Variants in VSX2 observed in about 807,000 individuals in gnomAD.
VSX2 encodes visual system homeobox 2.
In VSX2, 28 loss-of-function variants were observed where a neutral mutation model predicts 32.1. That is an observed-to-expected ratio of 0.87 (90% CI 0.65 to 1.20). The LOEUF (loss-of-function observed/expected upper bound fraction) is 1.20, where lower values mean the gene tolerates loss of function less well. Ranked by LOEUF, VSX2 falls within the 50% of genes most tolerant of loss-of-function variation. The pLI is 0.00. For missense variants in VSX2, 506 were observed against 488.7 expected (o/e 1.04, Z -0.33); for synonymous variants, 243 against 214.1 (o/e 1.14, Z -1.18).
intron 3 of VSX2, among the ~76,000 whole-genome samples, chr14:74,250,544 G>A (rs1055727092): frequency 1.7e-4 from 26 of 152,262 alleles, no homozygotes; most frequent in Non-Finnish European, 2.2e-4. Flanking sequence ...ATTCTCTGCC[G>A]AGCACTGTGT....
Position 74,239,462 on chromosome 14 carries a change from G to T in VSX2, c.-100G>T. ...CTTGGGCTCCAGAGCATTAGACACC[G>T]GAGGGGGCACCTGGGACCAACTTCG... On this transcript the variant is annotated 5_prime_UTR_variant, in exon 1 of 5. Transcript: ENST00000261980. The T allele has an allele frequency of 6.6e-7, 1 of 1,510,734 alleles. No homozygotes were observed. The highest frequency in any genetic ancestry group is 2.5e-5 in the East Asian group (1 of 40,720). 93.6% of individuals were successfully genotyped at this position (1,510,734 alleles called of 1,614,324 possible). A position where few individuals can be genotyped will look rare whatever the true frequency, so the allele number is the denominator to read the frequency against.
At position 74,248,343 on chromosome 14, in the gene VSX2, A is replaced by C. The variant is rs1194329060; in HGVS notation, c.579+3055A>C. Among the ~76,000 whole-genome samples, 14 of 138,502 alleles carry C rather than the reference A, an allele frequency of 1.0e-4. No individual in the cohort carries two copies. In the South Asian group the frequency reaches 1.4e-3, roughly 14 times the overall value. The allele number at this position is 138,502 out of a possible 152,430, so 90.9% of individuals were successfully genotyped here. A position where few individuals can be genotyped will look rare whatever the true frequency, so the allele number is the denominator to read the frequency against. ...CAGTTTGAGACCAGGCTAAAAAAAA[A>C]AAAAAAAACAAAAAAAACCAAAAAC... On this transcript the variant is annotated intron_variant, in intron 3 of 4. Transcript: ENST00000261980.
intron 3 of VSX2, among the ~76,000 whole-genome samples, chr14:74,246,814 T>C (rs192145401): frequency 2.0e-5 from 3 of 152,094 alleles, no homozygotes; most frequent in Non-Finnish European, 2.9e-5. Flanking sequence ...TCCTGAAATC[T>C]GCTTGGTAGA....
chr14:74,241,732 C>T (rs984247250), intron 2 of VSX2, among the ~76,000 whole-genome samples: 2 of 152,226 alleles, frequency 1.3e-5, no homozygotes, highest in Non-Finnish European at 2.9e-5. Context: ...CTTTCTGCTC[C>T]CACCGTTCTC....
intron 2 of VSX2, 40 bp downstream of exon 2, chr14:74,241,306 C>A: frequency 6.3e-7 from 1 of 1,594,556 alleles, no homozygotes; most frequent in Non-Finnish European, 8.6e-7. Context: ...TGCCCGCGCA[C>A]CCCGCTGCCG....
intron 3 of VSX2, among the ~76,000 whole-genome samples, chr14:74,245,741 C>T (rs1276916251): frequency 6.6e-6 from 1 of 152,106 alleles, no homozygotes; most frequent in East Asian, 1.9e-4. Flanking sequence ...CCCTCTCCTC[C>T]CCTCCCCATG....
chr14:74,254,986 TAGCC>T (rs957305922), intron 3 of VSX2, among the ~76,000 whole-genome samples: 1 of 151,932 alleles, frequency 6.6e-6, no homozygotes, highest in African/African-American at 2.4e-5. Flanking sequence ...TTCACCGTGT[TAGCC>T]AGGATGGTCT....
chr14:74,258,437 G>C (rs2079281872), intron 3 of VSX2, among the ~76,000 whole-genome samples: 1 of 152,172 alleles, frequency 6.6e-6, no homozygotes, highest in South Asian at 2.1e-4. Flanking sequence ...CCCAGACCCA[G>C]GCAAGGAAAT....
intron 3 of VSX2, among the ~76,000 whole-genome samples, chr14:74,250,260 T>A (rs1480875989): frequency 6.6e-6 from 1 of 150,770 alleles, no homozygotes; most frequent in Non-Finnish European, 1.5e-5. Context: ...TTTTTTTTTT[T>A]AAATGCTAGG....
intron 2 of VSX2, 97 bp downstream of exon 2, chr14:74,241,363 A>G (rs1232792651): frequency 5.1e-6 from 7 of 1,361,128 alleles, no homozygotes; most frequent in Admixed American, 1.8e-5. Flanking sequence ...TTCGCCGACA[A>G]CGGATCTGAG....
intron 2 of VSX2, among the ~76,000 whole-genome samples, chr14:74,241,685 C>G (rs1817783320): frequency 6.6e-6 from 1 of 152,262 alleles, no homozygotes; most frequent in African/African-American, 2.4e-5. Context: ...CCCCATTTCT[C>G]TCCCGGGGTC....
chr14:74,253,124 T>A (rs1248434191), intron 3 of VSX2, among the ~76,000 whole-genome samples: 1 of 151,598 alleles, frequency 6.6e-6, no homozygotes, highest in Non-Finnish European at 1.5e-5. Context: ...ACTCACTTTG[T>A]CCTGGGACTC....
chr14:74,246,462 G>A (rs1352776455), intron 3 of VSX2, among the ~76,000 whole-genome samples: 1 of 152,202 alleles, frequency 6.6e-6, no homozygotes, highest in Non-Finnish European at 1.5e-5. Context: ...TCAGCCGATG[G>A]TTTTAGACAT....
At position 74,245,299 on chromosome 14, in the gene VSX2, T is replaced by A; in HGVS notation, c.579+11T>A. ...GAAGACAGGATACAGGTAACAGCCC[T>A]GAGCCCCTCTCCCCTCCACTCTCCC... On this transcript the variant is annotated intron_variant, in intron 3 of 4. Transcript: ENST00000261980. 1 of 1,613,080 alleles carries A rather than the reference T, an allele frequency of 6.2e-7. No homozygotes were observed. The highest frequency in any genetic ancestry group is 8.5e-7 in the Non-Finnish European group (1 of 1,179,692).
At chr14:74,244,563 G>T (rs1003797310) in intron 2 of VSX2, among the ~76,000 whole-genome samples, 1 of 152,080 alleles carries the variant, frequency 6.6e-6, no homozygotes, top group African/African-American at 2.4e-5. Flanking sequence ...TTCTAACTTT[G>T]AAAGGCATTC....
At chr14:74,257,616 T>G (rs1454619608) in intron 3 of VSX2, among the ~76,000 whole-genome samples, 2 of 28 alleles carry the variant, frequency 0.071, no homozygotes, top group South Asian at 0.5. Flanking sequence ...CTGCCGGGGA[T>G]TGGCCGGCCG....
At chr14:74,246,734 G>A (rs566472926) in intron 3 of VSX2, among the ~76,000 whole-genome samples, 9 of 152,268 alleles carry the variant, frequency 5.9e-5, no homozygotes, top group South Asian at 2.1e-4. Flanking sequence ...ACAAATCCCC[G>A]CTGTTGGCAG....
At chr14:74,254,537 G>C (rs1270652249) in intron 3 of VSX2, among the ~76,000 whole-genome samples, 3 of 152,288 alleles carry the variant, frequency 2.0e-5, no homozygotes, top group Admixed American at 6.5e-5. Context: ...ACAGCCAAAG[G>C]CTGGATCTTT....
intron 3 of VSX2, among the ~76,000 whole-genome samples, chr14:74,256,371 C>G (rs2079262836): frequency 6.6e-6 from 1 of 152,146 alleles, no homozygotes; most frequent in Non-Finnish European, 1.5e-5. Flanking sequence ...GTGGAGGTGG[C>G]AGTGAGCCAA....
Sources: allele counts gnomAD v4.1 joint callset (sites outside exome capture counted in the v4.1 genomes callset), GRCh38; gene constraint gnomAD v4.1.1; transcripts MANE v1.5; gene names NCBI Gene and HGNC (gene_info 2026-07-23, HGNC 2026-07-21).